Variants in DLGAP2 observed in about 807,000 individuals in gnomAD.
DLGAP2 encodes disks large-associated protein 2.
In DLGAP2, 26 loss-of-function variants were observed where a neutral mutation model predicts 100.3. The ratio of observed to expected loss-of-function variants is 0.26; its 90% CI spans 0.19 to 0.36. The LOEUF (loss-of-function observed/expected upper bound fraction) is 0.36. DLGAP2 is among the 10% of genes least tolerant of loss of function. The pLI, the probability that DLGAP2 is intolerant of heterozygous loss-of-function variation, is 1.00. For missense variants in DLGAP2, 1,858 were observed against 1,453.2 expected, an observed-to-expected ratio of 1.28 and a Z score of -4.53; for synonymous variants, 886 against 630.1, an observed-to-expected ratio of 1.41 and a Z score of -6.08.
At chr8:1,071,418 C>A (rs758944122) in intron 2 of DLGAP2, among the ~76,000 whole-genome samples, 1 of 152,182 alleles carries the variant, frequency 6.6e-6, no homozygotes, top group Non-Finnish European at 1.5e-5. Context: ...TGTGCAGTCT[C>A]TCCTGGGTGG....
chr8:982,270 A>G (rs545863923), intron 2 of DLGAP2, among the ~76,000 whole-genome samples: 2 of 152,390 alleles, frequency 1.3e-5, no homozygotes, highest in East Asian at 1.9e-4. Context: ...ATGAATGCAC[A>G]TGAACCCTTG....
At chr8:1,684,888 C>G (rs766000271) in intron 12 of DLGAP2, among the ~76,000 whole-genome samples, 4 of 152,152 alleles carry the variant, frequency 2.6e-5, no homozygotes, top group Non-Finnish European at 4.4e-5. Flanking sequence ...AGCACATGTA[C>G]ACACAGGATC....
chr8:856,501 C>T (rs949344151), intron 1 of DLGAP2, among the ~76,000 whole-genome samples: 3 of 152,094 alleles, frequency 2.0e-5, no homozygotes, highest in African/African-American at 7.2e-5. Context: ...GAAAAATCTT[C>T]TGAAACTAAT....
intron 6 of DLGAP2, among the ~76,000 whole-genome samples, chr8:1,613,390 G>T (rs777769885): frequency 1.3e-5 from 2 of 151,982 alleles, no homozygotes; most frequent in Admixed American, 6.6e-5. Context: ...TGGGGACTGT[G>T]GTGGGGTGGG....
intron 6 of DLGAP2, among the ~76,000 whole-genome samples, chr8:1,591,653 C>A (rs1224882228): frequency 6.6e-6 from 1 of 152,148 alleles, no homozygotes; most frequent in Admixed American, 6.5e-5. Context: ...ACTTGACCTG[C>A]AGGAAATATG....
intron 3 of DLGAP2, among the ~76,000 whole-genome samples, chr8:1,337,913 A>G (rs965383637): frequency 2.0e-5 from 3 of 152,256 alleles, no homozygotes; most frequent in African/African-American, 7.2e-5. Flanking sequence ...GAAGGCCTGC[A>G]AATGTTCCAC....
intron 1 of DLGAP2, among the ~76,000 whole-genome samples, chr8:865,434 T>C (rs954119046): frequency 6.6e-6 from 1 of 152,180 alleles, no homozygotes; most frequent in African/African-American, 2.4e-5. Context: ...CGGCGTCAGG[T>C]CTACTTGCAG....
At chr8:766,044 G>C (rs754473512) in intron 1 of DLGAP2, among the ~76,000 whole-genome samples, 1 of 152,188 alleles carries the variant, frequency 6.6e-6, no homozygotes, top group Non-Finnish European at 1.5e-5. Context: ...GCATGTACCT[G>C]TAATCTCAGC....
intron 3 of DLGAP2, among the ~76,000 whole-genome samples, chr8:1,381,870 C>G (rs1796105421): frequency 6.7e-6 from 1 of 149,782 alleles, no homozygotes; most frequent in Non-Finnish European, 1.5e-5. Flanking sequence ...GATAGGAATT[C>G]CATGTCTACA....
chr8:1,430,370 C>T (rs964542615), intron 3 of DLGAP2, among the ~76,000 whole-genome samples: 6 of 152,098 alleles, frequency 3.9e-5, no homozygotes, highest in Admixed American at 1.3e-4. Context: ...CGTTGCATTG[C>T]GAATGTGTGG....
At chr8:904,082 T>C (rs6995550) in intron 1 of DLGAP2, among the ~76,000 whole-genome samples, 5,235 of 152,288 alleles carry the variant, frequency 0.034, 305 homozygotes, top group African/African-American at 0.12. Context: ...GGGGCCGAGT[T>C]TCTTCAGCTG....
At chr8:1,622,297 T>C (rs1273617043) in intron 6 of DLGAP2, 2 of 152,230 alleles carry the variant, frequency 1.3e-5, no homozygotes, top group African/African-American at 4.8e-5. Context: ...ACACATTTAG[T>C]ATGGAAAAAA....
At chr8:1,294,917 T>C (rs1800136868) in intron 3 of DLGAP2, among the ~76,000 whole-genome samples, 1 of 151,956 alleles carries the variant, frequency 6.6e-6, no homozygotes, top group African/African-American at 2.4e-5. Flanking sequence ...AATTTTGTTA[T>C]GTAGCAGTTG....
intron 3 of DLGAP2, among the ~76,000 whole-genome samples, chr8:1,321,625 T>C (rs1051709179): frequency 1.3e-5 from 2 of 152,346 alleles, no homozygotes; most frequent in Middle Eastern, 3.4e-3. Flanking sequence ...CTTTTTTTCA[T>C]TTTCACCTTT....
At chr8:1,189,619 T>G (rs1290972979) in intron 2 of DLGAP2, among the ~76,000 whole-genome samples, 4 of 152,244 alleles carry the variant, frequency 2.6e-5, no homozygotes, top group African/African-American at 9.6e-5. Flanking sequence ...TCAAGCACGT[T>G]TAGCAGTTGA....
At chr8:1,235,459 C>T (rs1381511484) in intron 2 of DLGAP2, among the ~76,000 whole-genome samples, 1 of 152,172 alleles carries the variant, frequency 6.6e-6, no homozygotes, top group Non-Finnish European at 1.5e-5. Flanking sequence ...CTAGTTCCCT[C>T]TCACATGTTG....
At chr8:932,214 A>G (rs1022868222) in intron 2 of DLGAP2, among the ~76,000 whole-genome samples, 1 of 152,208 alleles carries the variant, frequency 6.6e-6, no homozygotes, top group Admixed American at 6.5e-5. Context: ...ACCAAAGTCC[A>G]TAAACACACA....
chr8:755,702 G>T (rs1820902115), intron 1 of DLGAP2, among the ~76,000 whole-genome samples: 1 of 152,172 alleles, frequency 6.6e-6, no homozygotes, highest in Non-Finnish European at 1.5e-5. Context: ...ACTAGCGGCT[G>T]GCATGGCTAG....
intron 3 of DLGAP2, among the ~76,000 whole-genome samples, chr8:1,270,926 G>A (rs138429216): frequency 3.3e-5 from 5 of 152,204 alleles, no homozygotes; most frequent in South Asian, 2.1e-4. Context: ...TGTATACACC[G>A]TTGACCTGCT....
Sources: gnomAD v4.1 joint callset for allele counts (sites outside exome capture counted in the v4.1 genomes callset) on GRCh38, gnomAD v4.1.1 for gene constraint, MANE v1.5 for transcripts, NCBI Gene and HGNC (gene_info 2026-07-23, HGNC 2026-07-21) for gene names.